Variants in RALGAPA2 observed in about 807,000 individuals in gnomAD.
RALGAPA2 encodes the protein Ral GTPase activating protein catalytic subunit alpha 2.
In RALGAPA2, 139 loss-of-function variants were observed where a neutral mutation model predicts 230.4. That is an observed-to-expected ratio of 0.60 (90% CI 0.53 to 0.69). The LOEUF is 0.69. RALGAPA2 is among the 30% of genes least tolerant of loss of function. The pLI is 0.00. For missense variants in RALGAPA2, 2,163 were observed against 2,276.0 expected (o/e 0.95, Z 1.01); for synonymous variants, 847 against 837.8 (o/e 1.01, Z -0.19).
chr20:20,531,580 T>C, intron 27 of RALGAPA2, 107 bp downstream of exon 27: 1 of 972,122 alleles, frequency 1.0e-6, no homozygotes, highest in Non-Finnish European at 1.6e-6. Flanking sequence ...GGAATCACAA[T>C]CCCTCTGTCA....
chr20:20,478,327 G>C (rs1482799703), intron 36 of RALGAPA2, among the ~76,000 whole-genome samples: 1 of 152,064 alleles, frequency 6.6e-6, no homozygotes. Flanking sequence ...GCAACATAAT[G>C]AGATAGGCAC....
At chr20:20,513,903 C>T (rs1203257342) in intron 31 of RALGAPA2, among the ~76,000 whole-genome samples, 6 of 152,208 alleles carry the variant, frequency 3.9e-5, no homozygotes, top group African/African-American at 1.4e-4. Context: ...GCTGCTACAG[C>T]TAAAGTTTCT....
chr20:20,442,290 T>G (rs1456962199), intron 37 of RALGAPA2, among the ~76,000 whole-genome samples: 1 of 152,264 alleles, frequency 6.6e-6, no homozygotes, highest in East Asian at 1.9e-4. Flanking sequence ...CACTAAATTA[T>G]GACTTATAGA....
intron 37 of RALGAPA2, among the ~76,000 whole-genome samples, chr20:20,466,227 A>G (rs1423233610): frequency 1.3e-5 from 2 of 152,268 alleles, no homozygotes; most frequent in Non-Finnish European, 2.9e-5. Context: ...AGGAGAAGTC[A>G]AAAGTCTAGA....
rs188769183 is a variant in RALGAPA2 at position 20,701,476 on chromosome 20, C to T, written c.106+10899G>A. Among the ~76,000 whole-genome samples the T allele has an allele frequency of 1.0e-3, 156 of 152,268 alleles. 1 individual carries two copies. Among genetic ancestry groups the T allele is most frequent in the African/African-American group, 3.4e-3 (143 of 41,556 alleles). On this transcript the variant is annotated intron_variant, in intron 1 of 39. Transcript: ENST00000202677. ...GGTGTGGGCCGGGCGCGGTGGCTCA[C>T]GCCTGTAATCCCAGCACTTTGGGAG... is the stretch of plus-strand genomic sequence containing the variant.
At chr20:20,570,229 G>A (rs914567427) in intron 23 of RALGAPA2, among the ~76,000 whole-genome samples, 10 of 152,156 alleles carry the variant, frequency 6.6e-5, no homozygotes, top group African/African-American at 2.4e-4. Flanking sequence ...CACTAGGACA[G>A]TATGGTTATT....
chr20:20,551,216 T>C (rs1417109508), intron 23 of RALGAPA2, among the ~76,000 whole-genome samples: 1 of 152,240 alleles, frequency 6.6e-6, no homozygotes, highest in Non-Finnish European at 1.5e-5. Context: ...CAAGAATTAG[T>C]TTCTTTTTCA....
chr20:20,518,061 A>ATT (rs141824423), intron 31 of RALGAPA2, among the ~76,000 whole-genome samples: 2,457 of 151,774 alleles, frequency 0.016, 94 homozygotes, highest in East Asian at 0.14. Context: ...AACATAAATA[A>ATT]TTTTTTTCCC....
chr20:20,610,997 T>C (rs1186956183), intron 14 of RALGAPA2, among the ~76,000 whole-genome samples: 1 of 152,190 alleles, frequency 6.6e-6, no homozygotes, highest in East Asian at 1.9e-4. Context: ...CTCAAAGTTT[T>C]ATCCCATTCC....
chr20:20,535,991 G>T (rs183659054), intron 25 of RALGAPA2, among the ~76,000 whole-genome samples, 188 bp from the exon 26 acceptor site: 3 of 152,288 alleles, frequency 2.0e-5, no homozygotes, highest in Non-Finnish European at 4.4e-5. Flanking sequence ...AGAAGATGGG[G>T]GTCTCCACAG....
At chr20:20,452,162 TATAG>T (rs1324513124) in intron 37 of RALGAPA2, among the ~76,000 whole-genome samples, 2 of 152,114 alleles carry the variant, frequency 1.3e-5, no homozygotes, top group Non-Finnish European at 1.5e-5. Context: ...AAATTCCCCA[TATAG>T]AGAGGAAATA....
intron 37 of RALGAPA2, among the ~76,000 whole-genome samples, chr20:20,429,033 C>G (rs1184260697): frequency 6.6e-6 from 1 of 152,062 alleles, no homozygotes; most frequent in African/African-American, 2.4e-5. Context: ...AAGAGACAAT[C>G]TCTATGAAAT....
At chr20:20,510,622 T>C (rs1350635212) in intron 33 of RALGAPA2, among the ~76,000 whole-genome samples, 1 of 152,122 alleles carries the variant, frequency 6.6e-6, no homozygotes, top group Non-Finnish European at 1.5e-5. Context: ...CCAAGTCCTA[T>C]ACTTATTCTT....
At chr20:20,406,406 C>G (rs1406164489) in intron 38 of RALGAPA2, among the ~76,000 whole-genome samples, 1 of 152,070 alleles carries the variant, frequency 6.6e-6, no homozygotes, top group African/African-American at 2.4e-5. Flanking sequence ...AAAATCAAAG[C>G]AAAAGTGGTC....
intron 31 of RALGAPA2, among the ~76,000 whole-genome samples, chr20:20,513,916 T>C (rs1341019185): frequency 6.6e-6 from 1 of 152,202 alleles, no homozygotes; most frequent in Non-Finnish European, 1.5e-5. Flanking sequence ...AAGTTTCTCC[T>C]GGGCAATGAG....
chr20:20,515,281 G>A (rs1168188545), intron 31 of RALGAPA2, among the ~76,000 whole-genome samples: 1 of 152,140 alleles, frequency 6.6e-6, no homozygotes, highest in East Asian at 1.9e-4. Flanking sequence ...AAGTGCATAG[G>A]GCTATAGAAG....
At chr20:20,473,845 C>A (rs924665275) in intron 36 of RALGAPA2, among the ~76,000 whole-genome samples, 8 of 152,086 alleles carry the variant, frequency 5.3e-5, no homozygotes, top group Admixed American at 5.2e-4. Context: ...TCCATGAGAT[C>A]ATGTAACTCT....
chr20:20,680,947 T>A, intron 1 of RALGAPA2, 146 bp from the exon 2 acceptor site: 1 of 1,372,270 alleles, frequency 7.3e-7, no homozygotes, highest in East Asian at 2.9e-5. Context: ...CCTGTTTGTT[T>A]ATTCTCCACC....
intron 3 of RALGAPA2, among the ~76,000 whole-genome samples, chr20:20,671,964 G>A (rs192827389): frequency 6.6e-6 from 1 of 152,296 alleles, no homozygotes; most frequent in African/African-American, 2.4e-5. Flanking sequence ...AAAGGAGGCA[G>A]AAGACAAGTA....
Sources: gnomAD v4.1 joint callset for allele counts (sites outside exome capture counted in the v4.1 genomes callset) on GRCh38, gnomAD v4.1.1 for gene constraint, MANE v1.5 for transcripts, NCBI Gene and HGNC (gene_info 2026-07-23, HGNC 2026-07-21) for gene names.